Variants in VPS13C observed in about 807,000 individuals in gnomAD.
VPS13C encodes the protein intermembrane lipid transfer protein VPS13C.
In VPS13C, 358 loss-of-function variants were observed where a neutral mutation model predicts 456.8. The ratio of observed to expected loss-of-function variants is 0.78; its 90% CI spans 0.72 to 0.86. The LOEUF is 0.86. VPS13C is among the 40% of genes least tolerant of loss of function. The probability of loss-of-function intolerance (pLI) is 0.00; values close to 1 mark genes in which losing one functional copy is unlikely to be tolerated. For synonymous variants in VPS13C, 1,578 were observed against 1,486.7 expected, an observed-to-expected ratio of 1.06 and a Z score of -1.41; for missense variants, 4,818 against 4,385.4, an observed-to-expected ratio of 1.10 and a Z score of -2.79.
intron 9 of VPS13C, among the ~76,000 whole-genome samples, chr15:62,018,235 C>T (rs142209525): frequency 3.0e-4 from 45 of 151,576 alleles, no homozygotes; most frequent in South Asian, 6.2e-4. Context: ...TCTGCAAACA[C>T]GGACAATTTG....
chr15:61,929,191 G>A (rs2043970118), intron 51 of VPS13C, among the ~76,000 whole-genome samples: 1 of 152,024 alleles, frequency 6.6e-6, no homozygotes. Flanking sequence ...TGTTTTCTTT[G>A]AATAAGATAC....
At chr15:61,936,478 G>A (rs2044229712) in intron 48 of VPS13C, 119 bp downstream of exon 48, 12 of 975,062 alleles carry the variant, frequency 1.2e-5, no homozygotes, top group Non-Finnish European at 1.5e-5. Context: ...TCCACAGTAA[G>A]TAGTACAATA....
intron 14 of VPS13C, among the ~76,000 whole-genome samples, chr15:62,007,719 A>G (rs1362994291): frequency 6.6e-6 from 1 of 152,240 alleles, no homozygotes; most frequent in African/African-American, 2.4e-5. Flanking sequence ...ACATGTGGGA[A>G]ATAGCATTCC....
intron 5 of VPS13C, among the ~76,000 whole-genome samples, chr15:62,029,149 C>T (rs2140623812): frequency 6.6e-6 from 1 of 152,158 alleles, no homozygotes; most frequent in East Asian, 1.9e-4. Flanking sequence ...ACTGTGTGAC[C>T]TAGAACAAAT....
intron 9 of VPS13C, among the ~76,000 whole-genome samples, chr15:62,020,134 A>T (rs2047407282): frequency 6.6e-6 from 1 of 151,714 alleles, no homozygotes; most frequent in Non-Finnish European, 1.5e-5. Context: ...GCATATCTAT[A>T]AGCTATTTAG....
chr15:61,856,228 G>A (rs1434371771), intron 83 of VPS13C, 58 bp downstream of exon 83: 3 of 1,596,182 alleles, frequency 1.9e-6, no homozygotes, highest in Non-Finnish European at 2.6e-6. Flanking sequence ...GTAGTTAACT[G>A]CAAAACAGTC....
Position 61,867,347 on chromosome 15 carries a change from G to A in VPS13C, c.10863+1312C>T. 1.0e-6 allele frequency: 1 copy of A among 985,264 alleles called. No individual in the cohort carries two copies. The highest frequency in any genetic ancestry group is 1.2e-6 in the Non-Finnish European group (1 of 829,830). The allele number at this position is 985,264 out of a possible 1,614,324, so 61.0% of individuals were successfully genotyped here. On this transcript the variant is annotated intron_variant, in intron 81 of 84. Coordinates refer to ENST00000644861, the MANE Select transcript of VPS13C (RefSeq NM_020821.3). This position sits in a 1 kb window ranked among gnomAD's most constrained non-coding sequence, Gnocchi z 5.0. ...CAAGGGGTTAAATAGGAAAAAGAGG[G>A]AAGAGGAAACATATCCTCAAAATTC...
At chr15:62,020,870 A>AT (rs1309289077) in intron 8 of VPS13C, among the ~76,000 whole-genome samples, 2 of 151,964 alleles carry the variant, frequency 1.3e-5, no homozygotes, top group East Asian at 3.9e-4. Flanking sequence ...TTTTTCACAG[A>AT]TAAATTTTAA....
chr15:61,866,959 T>G, intron 81 of VPS13C: 1 of 983,600 alleles, frequency 1.0e-6, no homozygotes, highest in Non-Finnish European at 1.2e-6. Context: ...TAAGACATTG[T>G]TAAACATTTC....
At chr15:62,000,422 T>G (rs1285263007) in intron 16 of VPS13C, 142 bp downstream of exon 16, 5 of 724,460 alleles carry the variant, frequency 6.9e-6, no homozygotes, top group Non-Finnish European at 1.1e-5. Context: ...GTGGCTTTTT[T>G]TCAGTACTCC....
At position 61,916,042 on chromosome 15, in the gene VPS13C, C is replaced by T. The variant is rs375391681; in HGVS notation, c.8056-20G>A. 1.2e-5 allele frequency: 19 copies of T among 1,530,824 alleles called. No homozygotes were observed. The African/African-American group carries it at 1.7e-4, about 13-fold the overall frequency. 94.8% of individuals were successfully genotyped at this position (1,530,824 alleles called of 1,614,324 possible). On this transcript the variant is annotated intron_variant, in intron 60 of 84. Coordinates refer to ENST00000644861, the MANE Select transcript of VPS13C (RefSeq NM_020821.3). ...TGTTCCCTAAAAACAAACAAAAATTCGCTGAGTAACTTTTTAAAAACTCTG... is the reference window on the plus strand; with the variant it reads ...TGTTCCCTAAAAACAAACAAAAATTTGCTGAGTAACTTTTTAAAAACTCTG...
intron 27 of VPS13C, among the ~76,000 whole-genome samples, chr15:61,971,054 T>C (rs1023717074): frequency 6.6e-6 from 1 of 152,032 alleles, no homozygotes; most frequent in East Asian, 1.9e-4. Context: ...TGGCACATGA[T>C]CAATACCTAT....
intron 69 of VPS13C, among the ~76,000 whole-genome samples, chr15:61,882,390 G>T (rs765620210): frequency 5.3e-5 from 8 of 152,062 alleles, no homozygotes; most frequent in Non-Finnish European, 1.2e-4. Context: ...CCCTTTTGCA[G>T]GCTAATCGAT....
intron 75 of VPS13C, among the ~76,000 whole-genome samples, chr15:61,876,583 T>C (rs952111074): frequency 6.6e-6 from 1 of 151,960 alleles, no homozygotes; most frequent in Non-Finnish European, 1.5e-5. Context: ...ACAACTACTG[T>C]TTCTATGCAT....
intron 64 of VPS13C, among the ~76,000 whole-genome samples, chr15:61,909,840 C>T (rs1209705881): frequency 1.3e-5 from 2 of 151,850 alleles, no homozygotes; most frequent in African/African-American, 2.4e-5. Context: ...TGAATAGCGC[C>T]GCTGGAAACC....
chr15:61,998,465 C>A lies in VPS13C; in HGVS notation c.1353+2099G>T, dbSNP rs147734415. Among the ~76,000 whole-genome samples, 120 of 152,290 alleles carry A rather than the reference C, an allele frequency of 7.9e-4. 1 individual carries two copies. Among genetic ancestry groups the A allele is most frequent in the African/African-American group, 2.7e-3 (111 of 41,564 alleles). On this transcript the variant is annotated intron_variant, in intron 16 of 84. Transcript: ENST00000644861. ...AAAAAAATCACGTGTTTAGTAACTG[C>A]TATGTGCCAGGCACATAATCATTTA...
rs142537492 is a variant in VPS13C at position 61,929,727 on chromosome 15, G to A, written c.6060C>T (p.Asp2020=). The A allele has an allele frequency of 1.5e-4, 235 of 1,610,326 alleles. 4 individuals carry two copies. In the South Asian group the frequency reaches 1.7e-3, roughly 12 times the overall value. Residue 2020 remains aspartate (D), a synonymous_variant, in exon 51 of 85, where the codon GAC becomes GAT. Coordinates refer to ENST00000644861, the MANE Select transcript of VPS13C (RefSeq NM_020821.3). ...CAATCATAGAACTGTTGTTATCTTG[G>A]TCATTCTTTCTGTCAATCATTCTGA... The part of the protein sequence containing the change: ...ATSRMIDRKN[D]QDNNSSMIDI...
intron 73 of VPS13C, 104 bp from the exon 74 acceptor site, chr15:61,878,850 G>A (rs1895652708): frequency 4.2e-6 from 5 of 1,204,784 alleles, no homozygotes; most frequent in Middle Eastern, 4.3e-4. Context: ...CTTTCGATTA[G>A]AGTCCTAGTG....
intron 41 of VPS13C, among the ~76,000 whole-genome samples, chr15:61,949,860 G>A (rs1159557512): frequency 1.3e-5 from 2 of 152,118 alleles, no homozygotes; most frequent in East Asian, 1.9e-4. Flanking sequence ...TAAAGATACA[G>A]GAAATATTAT....
Sources: allele counts gnomAD v4.1 joint callset (sites outside exome capture counted in the v4.1 genomes callset), GRCh38; gene constraint gnomAD v4.1.1; non-coding constraint Gnocchi (gnomAD v3.1); transcripts MANE v1.5; gene names NCBI Gene and HGNC (gene_info 2026-07-23, HGNC 2026-07-21).